The following MLLT10 variants were observed in gnomAD, a reference collection of about 807,000 sequenced individuals.
MLLT10 encodes the protein MLLT10 histone lysine methyltransferase DOT1L cofactor.
A neutral mutation model predicts 129.1 loss-of-function variants in MLLT10; 30 were observed. The observed-to-expected ratio is 0.23, with a 90% CI of 0.17 to 0.32. The LOEUF is 0.32. MLLT10 is among the 10% of genes least tolerant of loss of function. The pLI, the probability that MLLT10 is intolerant of heterozygous loss-of-function variation, is 1.00. For missense variants in MLLT10, 1,119 were observed against 1,268.3 expected, an observed-to-expected ratio of 0.88 and a Z score of 1.79; for synonymous variants, 490 against 446.4, an observed-to-expected ratio of 1.10 and a Z score of -1.23.
Position 21,733,551 on chromosome 10 carries a change from A to G in MLLT10, c.2455A>G (p.Asn819Asp). The change falls in exon 19 of 23, where the codon AAC becomes GAC. Residue 819 changes from asparagine to aspartate, a missense_variant. Around this residue, in one of 5 missense-constraint regions of MLLT10, gnomAD observed 1,004 missense variants for 1,008.7 expected, o/e 1.00. Coordinates refer to ENST00000307729, the MANE Select transcript of MLLT10 (RefSeq NM_001195626.3). ...LNSSKSPHIGNSFLPDNSLPV... is the reference protein window; with the variant it reads ...LNSSKSPHIGDSFLPDNSLPV... ...CAGCAGTAAGAGCCCTCATATAGGA[A>G]ACAGCTTTTTACCTGATAATTCTCT... 6.3e-7 allele frequency: 1 copy of G among 1,576,904 alleles called. No homozygotes were observed. The highest frequency in any genetic ancestry group is 2.2e-5 in the East Asian group (1 of 44,600).
rs781037094 is a variant in MLLT10 at position 21,740,283 on chromosome 10, G to C, written c.3162+47G>C. The C allele has an allele frequency of 2.5e-6, 4 of 1,573,930 alleles. No homozygotes were observed. In the East Asian group the frequency reaches 9.0e-5, roughly 35 times the overall value. On this transcript the variant is annotated intron_variant, in intron 22 of 22. Coordinates refer to ENST00000307729, the MANE Select transcript of MLLT10 (RefSeq NM_001195626.3). Reference sequence around the variant, plus strand: ...CATCTAATGAAACAAGAACTGTATTGATTAATCGGAGATGATCATTTTCCA... The same window carrying C: ...CATCTAATGAAACAAGAACTGTATTCATTAATCGGAGATGATCATTTTCCA...
At chr10:21,560,398 A>G (rs2038654056) in intron 3 of MLLT10, among the ~76,000 whole-genome samples, 1 of 152,042 alleles carries the variant, frequency 6.6e-6, no homozygotes, top group South Asian at 2.1e-4. Flanking sequence ...TTTTCCACTC[A>G]AGTCTTTTTC....
chr10:21,597,530 C>T (rs2043136098), intron 5 of MLLT10, among the ~76,000 whole-genome samples: 1 of 152,104 alleles, frequency 6.6e-6, no homozygotes, highest in Non-Finnish European at 1.5e-5. Context: ...CCACCACATC[C>T]AGCTAATTTT....
intron 21 of MLLT10, among the ~76,000 whole-genome samples, chr10:21,735,675 A>G (rs2058308111): frequency 1.3e-5 from 2 of 152,166 alleles, no homozygotes; most frequent in Non-Finnish European, 2.9e-5. Context: ...CCGATGTGAG[A>G]GTTCAGGGAG....
chr10:21,670,138 T>C (rs1029607409), intron 9 of MLLT10, among the ~76,000 whole-genome samples: 3 of 152,176 alleles, frequency 2.0e-5, no homozygotes, highest in African/African-American at 7.2e-5. Flanking sequence ...GCTTGACAAA[T>C]GAGTATCTTC....
Position 21,676,229 on chromosome 10 carries a change from A to G in MLLT10, c.1621+2310A>G, listed in dbSNP as rs527934521. 2.0e-5 allele frequency among the ~76,000 whole-genome samples: 3 copies of G among 151,978 alleles called. No individual in the cohort carries two copies. In the East Asian group the frequency reaches 5.8e-4, roughly 29 times the overall value. Reference sequence around the variant, plus strand: ...TGGATCACGAGGTCAGGAGATGGAGACCACGGTGAAACCCTGTCTCTACTA... The same window carrying G: ...TGGATCACGAGGTCAGGAGATGGAGGCCACGGTGAAACCCTGTCTCTACTA... On this transcript the variant is annotated intron_variant, in intron 11 of 22. Coordinates refer to ENST00000307729, the MANE Select transcript of MLLT10 (RefSeq NM_001195626.3).
chr10:21,543,452 C>T (rs1171463746), intron 3 of MLLT10, among the ~76,000 whole-genome samples: 1 of 151,798 alleles, frequency 6.6e-6, no homozygotes, highest in East Asian at 1.9e-4. Context: ...AAAAGCAAAA[C>T]CTTTTTAAAA....
At chr10:21,721,008 A>G (rs2057093625) in intron 14 of MLLT10, among the ~76,000 whole-genome samples, 1 of 152,206 alleles carries the variant, frequency 6.6e-6, no homozygotes. Flanking sequence ...ATATGGTGAT[A>G]ATAAAATGTT....
Position 21,581,672 on chromosome 10 carries a change from G to C in MLLT10, c.241-4622G>C, listed in dbSNP as rs1356226673. On this transcript the variant is annotated intron_variant, in intron 3 of 22. Coordinates refer to ENST00000307729, the MANE Select transcript of MLLT10 (RefSeq NM_001195626.3). ...GAGTGAATTCTCTTGCGGTCTGATGGTTTTGAAAGTGGCAGTTTTTTCCTA... is the reference window on the plus strand; with the variant it reads ...GAGTGAATTCTCTTGCGGTCTGATGCTTTTGAAAGTGGCAGTTTTTTCCTA... Among the ~76,000 whole-genome samples, 2 of 152,138 alleles carry C rather than the reference G, an allele frequency of 1.3e-5. 1 individual carries two copies. The highest frequency in any genetic ancestry group is 4.1e-4 in the South Asian group (2 of 4,822).
chr10:21,579,565 C>CTT (rs1211623180), intron 3 of MLLT10, among the ~76,000 whole-genome samples: 7 of 132,128 alleles, frequency 5.3e-5, no homozygotes, highest in Non-Finnish European at 9.9e-5. Flanking sequence ...AGATTAGATT[C>CTT]TTTTTTTTTT....
chr10:21,725,881 G>A (rs2057467928), intron 14 of MLLT10, among the ~76,000 whole-genome samples: 1 of 151,350 alleles, frequency 6.6e-6, no homozygotes, highest in African/African-American at 2.4e-5. Flanking sequence ...CTCCCGAGTA[G>A]CTGGGACTAC....
intron 13 of MLLT10, among the ~76,000 whole-genome samples, chr10:21,701,849 A>G (rs1315970343): frequency 2.0e-5 from 3 of 152,016 alleles, no homozygotes; most frequent in Non-Finnish European, 4.4e-5. Context: ...TCAGCCTCCC[A>G]AAGTGCTGGG....
At chr10:21,552,075 C>A (rs1180373488) in intron 3 of MLLT10, among the ~76,000 whole-genome samples, 1 of 152,042 alleles carries the variant, frequency 6.6e-6, no homozygotes, top group Non-Finnish European at 1.5e-5. Context: ...TATAGGTACA[C>A]ACCGCCATGC....
intron 8 of MLLT10, among the ~76,000 whole-genome samples, chr10:21,618,425 A>G (rs1686748756): frequency 6.6e-6 from 1 of 151,798 alleles, no homozygotes. Flanking sequence ...ATCACGCTTG[A>G]ACCCAGGAGG....
chr10:21,733,794 C>T lies in MLLT10; in HGVS notation c.2523C>T (p.Thr841=), dbSNP rs1025906492. The T allele has an allele frequency of 6.2e-7, 1 of 1,613,586 alleles. No individual in the cohort carries two copies. The highest frequency in any genetic ancestry group is 1.1e-5 in the South Asian group (1 of 91,008). ...NQDLTSSGQS[T]SSSSALSTPP... is the part of the protein sequence containing the mutation. Reference sequence around the variant, plus strand: ...ACTTAACCTCCAGTGGACAAAGTACCAGCAGCTCATCAGCTCTTTCTACCC... The same window carrying T: ...ACTTAACCTCCAGTGGACAAAGTACTAGCAGCTCATCAGCTCTTTCTACCC... The change falls in exon 20 of 23, where the codon ACC becomes ACT. Residue 841 remains threonine (T), a synonymous_variant. Coordinates refer to ENST00000307729, the MANE Select transcript of MLLT10 (RefSeq NM_001195626.3).
At chr10:21,630,574 A>G (rs1056210622) in intron 8 of MLLT10, among the ~76,000 whole-genome samples, 1 of 152,200 alleles carries the variant, frequency 6.6e-6, no homozygotes, top group South Asian at 2.1e-4. Flanking sequence ...CTATCATTCA[A>G]ATTTCTCCTG....
intron 11 of MLLT10, among the ~76,000 whole-genome samples, chr10:21,676,458 C>T (rs1029797683): frequency 3.4e-5 from 5 of 146,940 alleles, no homozygotes; most frequent in African/African-American, 5.0e-5. Context: ...TGGTGACTTA[C>T]GCCTGTAATC....
intron 3 of MLLT10, among the ~76,000 whole-genome samples, chr10:21,550,024 C>A (rs2036744733): frequency 6.6e-6 from 1 of 152,134 alleles, no homozygotes; most frequent in Non-Finnish European, 1.5e-5. Context: ...TGTTACTGAG[C>A]CTGCAAAATG....
rs1188283970 is a variant in MLLT10, at chr10:21,587,272, G to A, written c.295+924G>A. Among the ~76,000 whole-genome samples, 3 of 151,452 alleles carry A rather than the reference G, an allele frequency of 2.0e-5. No homozygotes were observed. The East Asian group carries it at 5.8e-4, about 29-fold the overall frequency. Reference sequence around the variant, plus strand: ...TATAAAAAATAAAAATAAAAAGACTGAGTTACACATGGTGGCACGTGCCTG... The same window carrying A: ...TATAAAAAATAAAAATAAAAAGACTAAGTTACACATGGTGGCACGTGCCTG... On this transcript the variant is annotated intron_variant, in intron 4 of 22. Transcript: ENST00000307729.
Sources: allele counts gnomAD v4.1 joint callset (sites outside exome capture counted in the v4.1 genomes callset), GRCh38; gene constraint gnomAD v4.1.1; regional missense constraint gnomAD v4.1.1; transcripts MANE v1.5; gene names NCBI Gene and HGNC (gene_info 2026-07-23, HGNC 2026-07-21).